The following FKRP variants were observed in gnomAD, a reference collection of about 807,000 sequenced individuals.
FKRP encodes the protein fukutin related protein.
FKRP carries 25 observed loss-of-function variants against 30.6 expected under a neutral mutation model. The ratio of observed to expected loss-of-function variants is 0.82; its 90% CI spans 0.60 to 1.14. FKRP has a LOEUF of 1.14. Ranked by LOEUF, FKRP falls within the 50% of genes most tolerant of loss-of-function variation. The pLI is 0.00. For synonymous variants in FKRP, 358 were observed against 342.5 expected, an observed-to-expected ratio of 1.05 and a Z score of -0.50; for missense variants, 771 against 727.8, an observed-to-expected ratio of 1.06 and a Z score of -0.68.
chr19:46,755,667 C>G lies in FKRP; in HGVS notation c.217C>G (p.Gln73Glu). ...VPELVDSFLQ[Q>E]DPAQPVVVAA... ...CGAGCTGGTAGACTCCTTCCTGCAG[C>G]AAGACCCAGCCCAGCCCGTGGTGGT... Residue 73 changes from glutamine (Q) to glutamate (E), a missense_variant, in exon 4 of 4, where the codon CAA becomes GAA. Gln to Glu is a conservative substitution (Grantham distance 29). Transcript: ENST00000318584. 6.3e-7 allele frequency: 1 copy of G among 1,594,740 alleles called. No homozygotes were observed. The highest frequency in any genetic ancestry group is 8.5e-7 in the Non-Finnish European group (1 of 1,176,780).
chr19:46,757,163 G>A lies in FKRP; in HGVS notation c.*225G>A. On this transcript the variant is annotated 3_prime_UTR_variant, in exon 4 of 4. Coordinates refer to ENST00000318584, the MANE Select transcript of FKRP (RefSeq NM_024301.5). Reference sequence around the variant, plus strand: ...ATTTATCAAATGGTCATGCCCACTGGGAGCCGTGGATATGCGTGGGGACAT... The same window carrying A: ...ATTTATCAAATGGTCATGCCCACTGAGAGCCGTGGATATGCGTGGGGACAT... The A allele has an allele frequency of 1.5e-6, 1 of 645,420 alleles. No homozygotes were observed. The allele number at this position is 645,420 out of a possible 1,614,324, so 40.0% of individuals were successfully genotyped here.
In FKRP at chr19:46,755,510, C is replaced by A. The variant is rs1228553738; in HGVS notation, c.60C>A (p.Val20=). The A allele has an allele frequency of 6.2e-7, 1 of 1,611,298 alleles. No individual in the cohort carries two copies. Among genetic ancestry groups the A allele is most frequent in the East Asian group, 2.2e-5 (1 of 44,816 alleles). Residue 20 remains valine (V), a synonymous_variant, in exon 4 of 4, where the codon GTC becomes GTA. Coordinates refer to ENST00000318584, the MANE Select transcript of FKRP (RefSeq NM_024301.5). ...CCGCCATCACCCTCAACCTTCTGGTCCTCTTCTATGTCTCGTGGCTGCAGC... is the reference window on the plus strand; with the variant it reads ...CCGCCATCACCCTCAACCTTCTGGTACTCTTCTATGTCTCGTGGCTGCAGC... ...LAAAITLNLL[V]LFYVSWLQHQ...
rs559914522 is a variant in FKRP, at chr19:46,751,691, G to A, written c.-40+3026G>A. ...CGCCATTCTCCTGCCTCAGCCTCCCGAGTAGCTGGGACTACAGGCGCCCGC... is the reference window on the plus strand; with the variant it reads ...CGCCATTCTCCTGCCTCAGCCTCCCAAGTAGCTGGGACTACAGGCGCCCGC... On this transcript the variant is annotated intron_variant, in intron 3 of 3. Transcript: ENST00000318584. 1.0e-4 allele frequency among the ~76,000 whole-genome samples: 15 copies of A among 150,374 alleles called. No individual in the cohort carries two copies. The East Asian group carries it at 1.4e-3, about 14-fold the overall frequency.
At chr19:46,746,668 G>A (rs2054641758) in intron 1 of FKRP, 1 of 153,302 alleles carries the variant, frequency 6.5e-6, no homozygotes, top group African/African-American at 2.4e-5. Flanking sequence ...GGGAGACCCA[G>A]GCCCCGCGCG....
intron 3 of FKRP, among the ~76,000 whole-genome samples, chr19:46,752,686 G>T (rs1204104752): frequency 6.6e-6 from 1 of 151,884 alleles, no homozygotes; most frequent in Non-Finnish European, 1.5e-5. Context: ...TATAGTGGGA[G>T]CCAGTCTCCA....
intron 3 of FKRP, among the ~76,000 whole-genome samples, chr19:46,749,239 G>A (rs2054736438): frequency 1.3e-5 from 2 of 152,074 alleles, no homozygotes; most frequent in Admixed American, 6.6e-5. Context: ...CACTAAAGAT[G>A]GGCTGAGAGT....
intron 3 of FKRP, among the ~76,000 whole-genome samples, chr19:46,753,575 AGG>A (rs1363357849): frequency 6.6e-6 from 1 of 151,694 alleles, no homozygotes; most frequent in East Asian, 1.9e-4. Flanking sequence ...GGGGCAGACA[AGG>A]GGAATGTCAG....
Position 46,754,499 on chromosome 19 carries a change from C to T in FKRP, c.-39-913C>T, listed in dbSNP as rs1599931664. The stretch of plus-strand genomic sequence containing the variant: ...CTCCACCTCCCAGGTTCAAGTGATC[C>T]TCTTGCCTTGGCCTCCCAAATTGCT... On this transcript the variant is annotated intron_variant, in intron 3 of 3. Transcript: ENST00000318584. Among the ~76,000 whole-genome samples, 3 of 145,280 alleles carry T rather than the reference C, an allele frequency of 2.1e-5. No homozygotes were observed. The Admixed American group carries it at 2.1e-4, about 10-fold the overall frequency.
intron 3 of FKRP, among the ~76,000 whole-genome samples, chr19:46,752,981 C>G (rs1468306681): frequency 6.6e-6 from 1 of 151,794 alleles, no homozygotes; most frequent in East Asian, 1.9e-4. Context: ...TCCTGCCCAA[C>G]ATGGTGAAAA....
intron 3 of FKRP, among the ~76,000 whole-genome samples, chr19:46,754,710 G>A (rs2054870997): frequency 1.3e-5 from 2 of 151,938 alleles, no homozygotes; most frequent in South Asian, 2.1e-4. Context: ...AGGTTCAAGC[G>A]ATTTCCTGCC....
At chr19:46,746,890 G>C (rs2054650890) in intron 1 of FKRP, 1 of 152,348 alleles carries the variant, frequency 6.6e-6, no homozygotes, top group Admixed American at 6.5e-5. Context: ...CTTCCCCAGC[G>C]GTGGGGGCGA....
chr19:46,746,493 AC>A (rs376315232), intron 1 of FKRP: 130,582 of 663,924 alleles, frequency 0.2, 8,483 homozygotes, highest in South Asian at 0.35. Context: ...CCGCGCCAAC[AC>A]CCCCCCCCCT....
In FKRP at chr19:46,758,516, T is replaced by C. The variant is rs1040810666; in HGVS notation, c.*1578T>C. 2.4e-5 allele frequency: 4 copies of C among 166,662 alleles called. No individual in the cohort carries two copies. The highest frequency in any genetic ancestry group is 6.6e-5 in the Admixed American group (1 of 15,226). The allele number at this position is 166,662 out of a possible 1,614,324, so 10.3% of individuals were successfully genotyped here. A position where few individuals can be genotyped will look rare whatever the true frequency, so the allele number is the denominator to read the frequency against. ...ATGAATAGGGTTTTTTTTATGTTTC[T>C]TGCCTCATCCCAATGACTTTTGCAC... On this transcript the variant is annotated 3_prime_UTR_variant, in exon 4 of 4. Coordinates refer to ENST00000318584, the MANE Select transcript of FKRP (RefSeq NM_024301.5).
intron 3 of FKRP, among the ~76,000 whole-genome samples, chr19:46,749,303 C>T (rs1318850186): frequency 2.6e-5 from 4 of 151,776 alleles, no homozygotes; most frequent in South Asian, 2.1e-4. Context: ...GTTTAAAGTA[C>T]GACTCTGTAG....
At position 46,756,641 on chromosome 19, in the gene FKRP, G is replaced by A. The variant is rs752767486; in HGVS notation, c.1191G>A (p.Ala397=). The A allele has an allele frequency of 1.7e-5, 27 of 1,613,238 alleles. No homozygotes were observed. Among genetic ancestry groups the A allele is most frequent in the Non-Finnish European group, 2.0e-5 (24 of 1,179,744 alleles). Reference sequence around the variant, plus strand: ...AGCGCGGCTTCGTATGGGAGAAGGCGGTCGAGGGCGACTTTTTCCGCGTGC... The same window carrying A: ...AGCGCGGCTTCGTATGGGAGAAGGCAGTCGAGGGCGACTTTTTCCGCGTGC... ...VDERGFVWEK[A]VEGDFFRVQY... The change falls in exon 4 of 4, where the codon GCG becomes GCA. Residue 397 remains alanine, a synonymous_variant. Coordinates refer to ENST00000318584, the MANE Select transcript of FKRP (RefSeq NM_024301.5). This position sits in a 1 kb window ranked among gnomAD's most constrained non-coding sequence, Gnocchi z 6.6.
intron 1 of FKRP, chr19:46,746,414 G>C (rs1373712298): frequency 4.8e-6 from 5 of 1,040,752 alleles, no homozygotes; most frequent in Non-Finnish European, 5.8e-6. Flanking sequence ...CGCGGCGGCC[G>C]CTCGCTCCTC....
rs2122636152 is a variant in FKRP at position 46,756,815 on chromosome 19, C to T, written c.1365C>T (p.Ala455=). The T allele has an allele frequency of 6.3e-7, 1 of 1,599,584 alleles. No individual in the cohort carries two copies. The highest frequency in any genetic ancestry group is 8.5e-7 in the Non-Finnish European group (1 of 1,173,596). Residue 455 remains alanine (A), a synonymous_variant, in exon 4 of 4, where the codon GCC becomes GCT. Transcript: ENST00000318584. The surrounding 1 kb of genome is among the most constrained non-coding windows in gnomAD (Gnocchi z 6.6). ...AGCCGCTGGTGCCCCTGCCCTTTGC[C>T]GGCTTCGTGGCGCAGGCGCCTAACA... ...FLQPLVPLPF[A]GFVAQAPNNY... is the part of the protein sequence containing the mutation.
In FKRP at chr19:46,757,073, G is replaced by T. The variant is rs2054944438; in HGVS notation, c.*135G>T. On this transcript the variant is annotated 3_prime_UTR_variant, in exon 4 of 4. Coordinates refer to ENST00000318584, the MANE Select transcript of FKRP (RefSeq NM_024301.5). ...GACCAAGAAAGAAATTCTAAGGAGA[G>T]CATGAGAGAAGGCTGGCATTGGCAG... 4 of 1,220,402 alleles carry T rather than the reference G, an allele frequency of 3.3e-6. No individual in the cohort carries two copies. In the South Asian group the frequency reaches 5.3e-5, roughly 16 times the overall value. 75.6% of individuals were successfully genotyped at this position (1,220,402 alleles called of 1,614,324 possible).
rs2054944021 is a variant in FKRP, at chr19:46,757,042, G to A, written c.*104G>A. 3 of 1,438,390 alleles carry A rather than the reference G, an allele frequency of 2.1e-6. No individual in the cohort carries two copies. The highest frequency in any genetic ancestry group is 2.9e-6 in the Non-Finnish European group (3 of 1,040,470). The allele number at this position is 1,438,390 out of a possible 1,614,324, so 89.1% of individuals were successfully genotyped here. On this transcript the variant is annotated 3_prime_UTR_variant, in exon 4 of 4. Coordinates refer to ENST00000318584, the MANE Select transcript of FKRP (RefSeq NM_024301.5). Reference sequence around the variant, plus strand: ...GGGATGTCGCGGAGAGGGGAAGGGGGAAACTGACCAAGAAAGAAATTCTAA... The same window carrying A: ...GGGATGTCGCGGAGAGGGGAAGGGGAAAACTGACCAAGAAAGAAATTCTAA...
Sources: allele counts gnomAD v4.1 joint callset (sites outside exome capture counted in the v4.1 genomes callset), GRCh38; gene constraint gnomAD v4.1.1; non-coding constraint Gnocchi (gnomAD v3.1); transcripts MANE v1.5; gene names NCBI Gene and HGNC (gene_info 2026-07-23, HGNC 2026-07-21).